Variants in CPA6 observed in about 807,000 individuals in gnomAD.
The protein encoded by CPA6 is carboxypeptidase B.
CPA6 carries 58 observed loss-of-function variants against 63.3 expected under a neutral mutation model. The ratio of observed to expected loss-of-function variants is 0.92; its 90% CI spans 0.74 to 1.14. The LOEUF (loss-of-function observed/expected upper bound fraction) is 1.14, where lower values mean the gene tolerates loss of function less well. Among genes scored for constraint, CPA6 ranks in the 50% most tolerant of loss-of-function variants. CPA6 has a pLI of 0.00. For missense variants in CPA6, 565 were observed against 526.6 expected (o/e 1.07, Z -0.71); for synonymous variants, 185 against 179.0 (o/e 1.03, Z -0.27).
chr8:67,691,479 G>A (rs1816813653), intron 1 of CPA6, among the ~76,000 whole-genome samples: 1 of 152,160 alleles, frequency 6.6e-6, no homozygotes, highest in Non-Finnish European at 1.5e-5. Context: ...ATTTGCTGAA[G>A]GATGCAGAGG....
chr8:67,576,532 T>C (rs1000862139), intron 2 of CPA6, among the ~76,000 whole-genome samples: 18 of 152,216 alleles, frequency 1.2e-4, no homozygotes, highest in African/African-American at 4.1e-4. Context: ...CTATAAAATA[T>C]ATGGTGCATT....
chr8:67,568,854 G>A (rs1813409983), intron 2 of CPA6, among the ~76,000 whole-genome samples: 2 of 152,190 alleles, frequency 1.3e-5, no homozygotes, highest in Non-Finnish European at 2.9e-5. Flanking sequence ...GGGTTCAGGT[G>A]ATTCTACTGC....
chr8:67,520,089 AC>A (rs1209895483), intron 2 of CPA6, among the ~76,000 whole-genome samples: 5 of 152,158 alleles, frequency 3.3e-5, no homozygotes, highest in Admixed American at 3.3e-4. Context: ...TAAACCCATT[AC>A]AGAGGCAGAT....
intron 8 of CPA6, among the ~76,000 whole-genome samples, chr8:67,451,486 C>T (rs1404561424): frequency 3.3e-5 from 5 of 152,178 alleles, no homozygotes; most frequent in African/African-American, 1.2e-4. Flanking sequence ...ACTGACTCTA[C>T]ATTATGGTGA....
chr8:67,565,231 G>T (rs1320819880), intron 2 of CPA6, among the ~76,000 whole-genome samples: 1 of 151,434 alleles, frequency 6.6e-6, no homozygotes, highest in Non-Finnish European at 1.5e-5. Flanking sequence ...GTTGTAAACT[G>T]CTGCAGAATC....
intron 1 of CPA6, among the ~76,000 whole-genome samples, chr8:67,627,954 C>G (rs972898070): frequency 5.3e-5 from 8 of 152,182 alleles, no homozygotes; most frequent in African/African-American, 1.9e-4. Flanking sequence ...AACACGATCT[C>G]CAACTCTATA....
At chr8:67,544,181 A>G (rs1174035394) in intron 2 of CPA6, among the ~76,000 whole-genome samples, 1 of 152,220 alleles carries the variant, frequency 6.6e-6, no homozygotes, top group Non-Finnish European at 1.5e-5. Context: ...AGGATTATTA[A>G]AAAACTCAGA....
chr8:67,656,378 A>G (rs903100688), intron 1 of CPA6, among the ~76,000 whole-genome samples: 4 of 152,192 alleles, frequency 2.6e-5, no homozygotes, highest in African/African-American at 9.7e-5. Flanking sequence ...CTCTTCAACT[A>G]TTCCCACAAA....
intron 1 of CPA6, among the ~76,000 whole-genome samples, chr8:67,675,972 T>G (rs1467379847): frequency 6.6e-6 from 1 of 152,182 alleles, no homozygotes; most frequent in Non-Finnish European, 1.5e-5. Context: ...AGTCTCAGCC[T>G]CCCATGTAGC....
chr8:67,438,995 A>AT (rs1190252936), intron 8 of CPA6, among the ~76,000 whole-genome samples: 2 of 152,192 alleles, frequency 1.3e-5, no homozygotes, highest in Non-Finnish European at 1.5e-5. Flanking sequence ...GAAGGAAAAA[A>AT]GAAAAAAGAA....
At position 67,595,854 on chromosome 8, in the gene CPA6, G is replaced by A. The variant is rs941319675; in HGVS notation, c.192+28322C>T. 4.2e-4 allele frequency among the ~76,000 whole-genome samples: 64 copies of A among 152,224 alleles called. 1 individual carries two copies. Among genetic ancestry groups the A allele is most frequent in the African/African-American group, 1.5e-3 (63 of 41,536 alleles). On this transcript the variant is annotated intron_variant, in intron 2 of 10. Transcript: ENST00000297770. ...CACTTCCCGAGTGAGGCAATGCCTC[G>A]CCCTGCTTCGGCTGGCGCACAGTGT...
chr8:67,447,038 A>G, intron 8 of CPA6, among the ~76,000 whole-genome samples: 1 of 124,872 alleles, frequency 8.0e-6, no homozygotes, highest in South Asian at 2.6e-4. Context: ...ATATACACAC[A>G]TATATATATA....
chr8:67,587,661 G>A (rs1813982374), intron 2 of CPA6, among the ~76,000 whole-genome samples: 1 of 152,142 alleles, frequency 6.6e-6, no homozygotes, highest in South Asian at 2.1e-4. Context: ...TTTATGAGGA[G>A]AGCTGAGAGA....
intron 8 of CPA6, among the ~76,000 whole-genome samples, chr8:67,467,290 G>T (rs916441687): frequency 6.6e-6 from 1 of 152,092 alleles, no homozygotes; most frequent in Non-Finnish European, 1.5e-5. Context: ...CACTCCCTTT[G>T]TGCTGAGGAC....
intron 8 of CPA6, among the ~76,000 whole-genome samples, chr8:67,468,703 C>T (rs1253593675): frequency 6.6e-6 from 1 of 151,974 alleles, no homozygotes; most frequent in Non-Finnish European, 1.5e-5. Flanking sequence ...GTGACATAAC[C>T]CCACTTGCAA....
intron 6 of CPA6, among the ~76,000 whole-genome samples, chr8:67,504,459 GT>G (rs1811889046): frequency 6.6e-6 from 1 of 152,178 alleles, no homozygotes; most frequent in Non-Finnish European, 1.5e-5. Flanking sequence ...AAGAACCGTG[GT>G]TTCCATCTGG....
At chr8:67,673,564 T>C (rs1816401383) in intron 1 of CPA6, among the ~76,000 whole-genome samples, 1 of 149,880 alleles carries the variant, frequency 6.7e-6, no homozygotes, top group East Asian at 2.0e-4. Flanking sequence ...TTTTTTTTTT[T>C]TGTATTTTTA....
intron 1 of CPA6, among the ~76,000 whole-genome samples, chr8:67,689,158 A>G (rs1047604343): frequency 3.3e-5 from 5 of 152,040 alleles, no homozygotes; most frequent in Non-Finnish European, 5.9e-5. Flanking sequence ...AAATGACTCA[A>G]TGTACTCCCG....
At chr8:67,726,004 A>G (rs1009051968) in intron 1 of CPA6, among the ~76,000 whole-genome samples, 1 of 152,216 alleles carries the variant, frequency 6.6e-6, no homozygotes, top group Non-Finnish European at 1.5e-5. Flanking sequence ...CACTTAAGAT[A>G]GCTGCAAATT....
Sources: gnomAD v4.1 joint callset for allele counts (sites outside exome capture counted in the v4.1 genomes callset) on GRCh38, gnomAD v4.1.1 for gene constraint, MANE v1.5 for transcripts, NCBI Gene and HGNC (gene_info 2026-07-23, HGNC 2026-07-21) for gene names.